TBC1D28: variants seen among roughly 807,000 people sequenced by gnomAD.
TBC1D28 encodes the protein TBC1 domain family member 28.
Under a neutral mutation model 29.2 loss-of-function variants are expected in TBC1D28, and 20 were observed. The observed-to-expected ratio is 0.68, with a 90% CI of 0.48 to 0.99. TBC1D28 has a LOEUF of 0.99. TBC1D28 is among the 50% of genes least tolerant of loss of function. The probability of loss-of-function intolerance (pLI) is 0.00; values close to 1 mark genes in which losing one functional copy is unlikely to be tolerated. For missense variants in TBC1D28, 205 were observed against 243.7 expected (o/e 0.84, Z 1.06); for synonymous variants, 65 against 90.9 (o/e 0.71, Z 1.62).
rs566870834 is a variant in TBC1D28 at position 18,637,084 on chromosome 17, A to T, written c.498-487T>A. On this transcript the variant is annotated intron_variant, in intron 8 of 8. Transcript: ENST00000345096. ...TGCCCTTTCCCAGAATGGCCAATGA[A>T]TTGGAATCCCATGGTGGTAGCCTGT... 2.9e-4 allele frequency among the ~76,000 whole-genome samples: 36 copies of T among 126,094 alleles called. 1 individual carries two copies. The highest frequency in any genetic ancestry group is 1.2e-3 in the African/African-American group (36 of 29,918). The allele number at this position is 126,094 out of a possible 152,430, so 82.7% of individuals were successfully genotyped here. A position where few individuals can be genotyped will look rare whatever the true frequency, so the allele number is the denominator to read the frequency against.
chr17:18,634,472 C>A (rs1460481492), downstream of TBC1D28, among the ~76,000 whole-genome samples: 1 of 151,704 alleles, frequency 6.6e-6, no homozygotes, highest in Non-Finnish European at 1.5e-5. Context: ...AGAAAAAGAT[C>A]ATATAAAAGC....
chr17:18,638,322 G>A (rs748229618), exon 7 of TBC1D28: 1 of 1,614,176 alleles, frequency 6.2e-7, no homozygotes, highest in Non-Finnish European at 8.5e-7. Flanking sequence ...CCTTATATTT[G>A]CCTGGGTTCT....
chr17:18,637,903 A>T, exon 8 of TBC1D28: 2 of 1,613,750 alleles, frequency 1.2e-6, no homozygotes. Context: ...GTGTTTCTGC[A>T]GGGTGTGGCT....
intron 8 of TBC1D28, among the ~76,000 whole-genome samples, chr17:18,637,216 A>C: frequency 8.3e-6 from 1 of 120,190 alleles, no homozygotes; most frequent in Non-Finnish European, 1.7e-5. Flanking sequence ...CTGTCTGAAG[A>C]GTGGAACCCC....
At chr17:18,641,527 G>T in intron 2 of TBC1D28, 105 bp downstream of exon 3, 1 of 708,434 alleles carries the variant, frequency 1.4e-6, no homozygotes. Context: ...GATCTCTGAA[G>T]TCCTGACCTC....
rs760612092 is a variant in TBC1D28 at position 18,636,595 on chromosome 17, T to G, written c.500A>C (p.Gln167Pro). 152 of 1,610,730 alleles carry G rather than the reference T, an allele frequency of 9.4e-5. No homozygotes were observed. Among genetic ancestry groups the G allele is most frequent in the Admixed American group, 1.2e-4 (7 of 59,256 alleles). The change falls in exon 9 of 9, where the codon CAG becomes CCG. Residue 167 changes from glutamine (Q) to proline (P), a missense_variant and splice_region_variant. By Grantham distance (76) the Gln-to-Pro change is moderately conservative. Coordinates refer to ENST00000345096, the Ensembl canonical transcript of TBC1D28. ...CACGAGGATGTCACATAATTCCTGC[T>G]GCCTAGAAAAGAGGGGAAAGAGGGT...
In TBC1D28 at chr17:18,638,064, TGGAAGGAA is replaced by T. The variant is rs1005049370; in HGVS notation, c.388-99_388-92del. ...GCAGTCATCCCACAGTCAGCACTTC[TGGAAGGAA>T]GGAAGGAAGGAAGGTTTCCTTCTGC... On this transcript the variant is annotated intron_variant, in intron 7 of 8. Coordinates refer to ENST00000345096, the Ensembl canonical transcript of TBC1D28. The T allele has an allele frequency of 3.9e-6, 6 of 1,551,720 alleles. No individual in the cohort carries two copies. The Admixed American group carries it at 5.1e-5, about 13-fold the overall frequency.
chr17:18,635,935 T>C, exon 9 of TBC1D28: 9 of 992,764 alleles, frequency 9.1e-6, no homozygotes, highest in Non-Finnish European at 1.1e-5. Context: ...CCCAGGGGAC[T>C]TGAGCAATAC....
Position 18,638,538 on chromosome 17 carries a change from C to T in TBC1D28, c.279+83G>A. 1.5e-6 allele frequency: 2 copies of T among 1,353,172 alleles called. 1 individual carries two copies. Among genetic ancestry groups the T allele is most frequent in the Non-Finnish European group, 2.0e-6 (2 of 1,008,328 alleles). The allele number at this position is 1,353,172 out of a possible 1,614,324, so 83.8% of individuals were successfully genotyped here. On this transcript the variant is annotated intron_variant, in intron 6 of 8. Coordinates refer to ENST00000345096, the Ensembl canonical transcript of TBC1D28. The stretch of plus-strand genomic sequence containing the variant: ...GGGGTACCACCCACCCACTGAGAGG[C>T]ACCCACCCAGGCCAAAACCATGGGC...
At chr17:18,637,725 G>A (rs947421117) in intron 8 of TBC1D28, 139 bp downstream of exon 9, 109 of 1,350,120 alleles carry the variant, frequency 8.1e-5, no homozygotes, top group Non-Finnish European at 1.1e-4. Context: ...CCATGGTGCC[G>A]GCTGCTCCCT....
At chr17:18,638,600 G>T in intron 6 of TBC1D28, 21 bp downstream of exon 7, 1 of 1,614,212 alleles carries the variant, frequency 6.2e-7, no homozygotes, top group Non-Finnish European at 8.5e-7. Context: ...AGTCACGGGG[G>T]CCGCTTCCTC....
chr17:18,638,560 G>A, intron 6 of TBC1D28, 61 bp downstream of exon 7: 4 of 1,386,300 alleles, frequency 2.9e-6, no homozygotes, highest in Middle Eastern at 1.9e-4. Flanking sequence ...CCAAAACCAT[G>A]GGCGCCTGTC....
At position 18,641,230 on chromosome 17, in the gene TBC1D28, G is replaced by A. The variant is rs368593812; in HGVS notation, c.75+48C>T. The stretch of plus-strand genomic sequence containing the variant: ...CAGGACCCTGTGACCAGGGCACAGC[G>A]GGAGAGGCGAGGCCCTGCTTCCCTT... On this transcript the variant is annotated intron_variant, in intron 3 of 8. Transcript: ENST00000345096. 1.3e-3 allele frequency: 1,985 copies of A among 1,560,264 alleles called. 4 individuals are homozygous for A. The highest frequency in any genetic ancestry group is 1.3e-3 in the Non-Finnish European group (1,454 of 1,148,004).
exon 7 of TBC1D28, chr17:18,638,319 T>G: frequency 6.2e-7 from 1 of 1,614,114 alleles, no homozygotes; most frequent in Non-Finnish European, 8.5e-7. Flanking sequence ...TTACCTTATA[T>G]TTGCCTGGGT....
chr17:18,641,158 C>A, intron 3 of TBC1D28, 54 bp from the exon 5 acceptor site: 1 of 938,196 alleles, frequency 1.1e-6, no homozygotes, highest in Non-Finnish European at 1.6e-6. Context: ...GTGTGGGAGG[C>A]CCAGGGAGGT....
Position 18,636,624 on chromosome 17 carries a change from G to GT in TBC1D28, c.498-28dup, listed in dbSNP as rs1555615596. The GT allele has an allele frequency of 4.9e-5, 78 of 1,599,160 alleles. 1 individual carries two copies. The highest frequency in any genetic ancestry group is 2.3e-4 in the South Asian group (21 of 90,044). On this transcript the variant is annotated intron_variant, in intron 8 of 8. Coordinates refer to ENST00000345096, the Ensembl canonical transcript of TBC1D28. ...TAGAAAAGAGGGGAAAGAGGGTTTTGTTTTTTTTGTGCAGACGCTGTCAAT... is the reference window on the plus strand; with the variant it reads ...TAGAAAAGAGGGGAAAGAGGGTTTTGTTTTTTTTTGTGCAGACGCTGTCAAT...
At chr17:18,643,321 G>A (rs1192067818), upstream of TBC1D28, among the ~76,000 whole-genome samples, 1,439 of 149,436 alleles carry the variant, frequency 9.6e-3, 15 homozygotes, top group African/African-American at 0.035. Flanking sequence ...CCTCCTCCCA[G>A]TAGCCTTCCA....
chr17:18,637,326 C>T lies in TBC1D28; in HGVS notation c.497+538G>A, dbSNP rs553796521. Among the ~76,000 whole-genome samples, 4 of 98,306 alleles carry T rather than the reference C, an allele frequency of 4.1e-5. No homozygotes were observed. In the East Asian group the frequency reaches 1.7e-3, roughly 41 times the overall value. The allele number at this position is 98,306 out of a possible 152,430, so 64.5% of individuals were successfully genotyped here. Reference sequence around the variant, plus strand: ...ACGTCACATGCGGGTTTTACTTGGACGTCAGTTTTCAAATCAGTGTGGCCA... The same window carrying T: ...ACGTCACATGCGGGTTTTACTTGGATGTCAGTTTTCAAATCAGTGTGGCCA... On this transcript the variant is annotated intron_variant, in intron 8 of 8. Transcript: ENST00000345096.
At chr17:18,636,478 C>A in exon 9 of TBC1D28, 1 of 1,613,626 alleles carries the variant, frequency 6.2e-7, no homozygotes. Flanking sequence ...AGTTGCAACA[C>A]CCCCGAGAGA....
Sources: gnomAD v4.1 joint callset for allele counts (sites outside exome capture counted in the v4.1 genomes callset) on GRCh38, gnomAD v4.1.1 for gene constraint, MANE v1.5 for transcripts, NCBI Gene and HGNC (gene_info 2026-07-23, HGNC 2026-07-21) for gene names.